The following SPAG16 variants were observed in gnomAD, a reference collection of about 807,000 sequenced individuals.
SPAG16 encodes sperm-associated antigen 16 protein.
In SPAG16, 86 loss-of-function variants were observed where a neutral mutation model predicts 80.4. The ratio of observed to expected loss-of-function variants is 1.07; its 90% confidence interval spans 0.90 to 1.28. The LOEUF is 1.28. SPAG16 is among the 50% of genes most tolerant of loss of function. SPAG16 has a pLI of 0.00. For synonymous variants in SPAG16, 294 were observed against 265.9 expected (o/e 1.11, Z -1.03); for missense variants, 870 against 765.3 (o/e 1.14, Z -1.61).
intron 13 of SPAG16, among the ~76,000 whole-genome samples, chr2:214,095,337 C>T (rs911264109): frequency 1.3e-5 from 2 of 152,140 alleles, no homozygotes; most frequent in Non-Finnish European, 2.9e-5. Context: ...TCCAGTTCAA[C>T]TACTAACCCT....
chr2:213,752,813 C>A lies in SPAG16; in HGVS notation c.1071-109672C>A, dbSNP rs555794998. 6.6e-5 allele frequency among the ~76,000 whole-genome samples: 10 copies of A among 152,232 alleles called. No homozygotes were observed. The South Asian group carries it at 2.1e-3, about 32-fold the overall frequency. On this transcript the variant is annotated intron_variant, in intron 10 of 15. Coordinates refer to ENST00000331683, the MANE Select transcript of SPAG16 (RefSeq NM_024532.5). ...CCAAAACCTAGATTAGGAAGACTAT[C>A]AATTTGTTGACTATTCAGTTAGCAG...
chr2:214,066,566 A>G (rs1344732549), intron 13 of SPAG16, among the ~76,000 whole-genome samples: 1 of 152,212 alleles, frequency 6.6e-6, no homozygotes, highest in Admixed American at 6.5e-5. Flanking sequence ...ATGGACAGGT[A>G]AAGTGGCTCA....
chr2:213,523,687 C>T (rs1231448639), intron 10 of SPAG16, among the ~76,000 whole-genome samples: 2 of 152,150 alleles, frequency 1.3e-5, no homozygotes, highest in Admixed American at 1.3e-4. Context: ...GAAGTCCAGG[C>T]TGAGGTGGTC....
chr2:213,612,639 C>T (rs1004695699), intron 10 of SPAG16, among the ~76,000 whole-genome samples: 4 of 152,272 alleles, frequency 2.6e-5, no homozygotes, highest in Middle Eastern at 3.4e-3. Context: ...GTTCCTTCTT[C>T]GCGCTCACTG....
chr2:213,735,139 G>C (rs887093858), intron 10 of SPAG16, among the ~76,000 whole-genome samples: 11 of 152,038 alleles, frequency 7.2e-5, no homozygotes, highest in African/African-American at 2.7e-4. Context: ...TATTATCCTA[G>C]TTGAGAATGC....
chr2:213,950,777 C>T (rs1389216633), intron 12 of SPAG16, among the ~76,000 whole-genome samples: 5 of 146,262 alleles, frequency 3.4e-5, no homozygotes, highest in African/African-American at 1.3e-4. Context: ...GGCATGATCA[C>T]GGCTCACTGC....
intron 12 of SPAG16, among the ~76,000 whole-genome samples, chr2:213,979,608 T>C (rs1435492001): frequency 6.6e-6 from 1 of 152,032 alleles, no homozygotes; most frequent in Non-Finnish European, 1.5e-5. Context: ...AAACTCACTA[T>C]CATGAGAACA....
chr2:213,567,074 A>T (rs548879206), intron 10 of SPAG16, among the ~76,000 whole-genome samples: 3 of 151,700 alleles, frequency 2.0e-5, no homozygotes, highest in Admixed American at 1.3e-4. Context: ...AAATCTTCTC[A>T]TGAGGAGAGT....
chr2:213,967,494 T>C (rs1368680258), intron 12 of SPAG16, among the ~76,000 whole-genome samples: 1 of 152,184 alleles, frequency 6.6e-6, no homozygotes, highest in Non-Finnish European at 1.5e-5. Flanking sequence ...CAGATACTAC[T>C]ATATACAGCT....
chr2:213,523,796 G>T (rs1419817931), intron 10 of SPAG16, among the ~76,000 whole-genome samples: 1 of 152,220 alleles, frequency 6.6e-6, no homozygotes, highest in African/African-American at 2.4e-5. Flanking sequence ...CTAAAGATCT[G>T]TGGAACTTTG....
chr2:214,278,280 G>A (rs1215927376), intron 15 of SPAG16, among the ~76,000 whole-genome samples: 2 of 152,180 alleles, frequency 1.3e-5, no homozygotes, highest in Non-Finnish European at 2.9e-5. Context: ...CCCGGGTGAG[G>A]TGATGCCCCA....
chr2:213,665,248 G>A (rs1394454421), intron 10 of SPAG16, among the ~76,000 whole-genome samples: 2 of 152,030 alleles, frequency 1.3e-5, no homozygotes, highest in Non-Finnish European at 2.9e-5. Context: ...TCCAACTGAA[G>A]CTAAATTGTG....
At chr2:213,999,541 G>T (rs759922394) in intron 12 of SPAG16, among the ~76,000 whole-genome samples, 2 of 152,246 alleles carry the variant, frequency 1.3e-5, no homozygotes, top group Non-Finnish European at 2.9e-5. Flanking sequence ...ATGTGTGGCT[G>T]GAGCCCCCAT....
intron 15 of SPAG16, among the ~76,000 whole-genome samples, chr2:214,375,369 A>T (rs1404543932): frequency 6.6e-6 from 1 of 152,162 alleles, no homozygotes; most frequent in Non-Finnish European, 1.5e-5. Flanking sequence ...CAGTTTACGA[A>T]GTAGGGCAAA....
chr2:213,903,667 C>T (rs189786352), intron 11 of SPAG16, among the ~76,000 whole-genome samples: 19 of 152,268 alleles, frequency 1.2e-4, no homozygotes, highest in South Asian at 2.1e-4. Context: ...GGATTAATTC[C>T]GCTCCTTGTT....
At chr2:214,041,558 G>A (rs1282858042) in intron 13 of SPAG16, among the ~76,000 whole-genome samples, 1 of 151,200 alleles carries the variant, frequency 6.6e-6, no homozygotes, top group East Asian at 1.9e-4. Context: ...ATTTTATAAG[G>A]GACTAAGTTA....
chr2:214,154,507 C>CG (rs2056126421), intron 15 of SPAG16, among the ~76,000 whole-genome samples: 1 of 143,034 alleles, frequency 7.0e-6, no homozygotes, highest in Non-Finnish European at 1.5e-5. Context: ...GACCCCCCCC[C>CG]CCCATTTTTT....
chr2:214,023,810 T>C (rs1173837010), intron 13 of SPAG16, among the ~76,000 whole-genome samples: 1 of 151,680 alleles, frequency 6.6e-6, no homozygotes, highest in Non-Finnish European at 1.5e-5. Context: ...GGTATTACAC[T>C]GGCCAGTAGC....
rs145864364 is a variant in SPAG16, at chr2:214,311,204, C to T, written c.1721-98936C>T. ...GGCAGTCTGCATTCCCCCTCTCTCC[C>T]TCTCTCTAGGGTCAGCACACTCGAA... On this transcript the variant is annotated intron_variant, in intron 15 of 15. Transcript: ENST00000331683. Among the ~76,000 whole-genome samples, 268 of 152,166 alleles carry T rather than the reference C, an allele frequency of 1.8e-3. 2 individuals carry two copies. Among genetic ancestry groups the T allele is most frequent in the African/African-American group, 5.8e-3 (242 of 41,552 alleles).
Sources: allele counts gnomAD v4.1 joint callset (sites outside exome capture counted in the v4.1 genomes callset), GRCh38; gene constraint gnomAD v4.1.1; transcripts MANE v1.5; gene names NCBI Gene and HGNC (gene_info 2026-07-23, HGNC 2026-07-21).